Variants in ARRDC3 observed in about 807,000 individuals in gnomAD.
ARRDC3 encodes the protein arrestin domain containing 3.
A neutral mutation model predicts 47.2 loss-of-function variants in ARRDC3; 10 were observed. That is an observed-to-expected ratio of 0.21 (90% CI 0.13 to 0.36). The LOEUF (loss-of-function observed/expected upper bound fraction) is 0.36, where lower values mean the gene tolerates loss of function less well. Among genes scored for constraint, ARRDC3 ranks in the 10% least tolerant of loss-of-function variants. ARRDC3 has a pLI of 1.00. For synonymous variants in ARRDC3, 156 were observed against 178.3 expected (o/e 0.87, Z 1.00); for missense variants, 381 against 503.6 (o/e 0.76, Z 2.33).
chr5:91,382,838 T>C lies in ARRDC3; in HGVS notation c.255A>G (p.Lys85=), dbSNP rs749502518. Residue 85 remains lysine (K), a synonymous_variant, in exon 1 of 8, where the codon AAA becomes AAG. Transcript: ENST00000265138. The part of the protein sequence containing the change: ...YTEEVEYFNH[K]DILIGHERDD... ...CTCTTTCGTGCCCAATTAAGATGTCTTTATGGTTGAAATACTCTACTTCTT... is the reference window on the plus strand; with the variant it reads ...CTCTTTCGTGCCCAATTAAGATGTCCTTATGGTTGAAATACTCTACTTCTT... The C allele has an allele frequency of 1.2e-6, 2 of 1,613,976 alleles. No homozygotes were observed. The highest frequency in any genetic ancestry group is 3.3e-5 in the Admixed American group (2 of 60,006).
At chr5:91,380,131 C>G (rs1582377167) in intron 1 of ARRDC3, 1 of 152,880 alleles carries the variant, frequency 6.5e-6, no homozygotes, top group Admixed American at 6.6e-5. Flanking sequence ...TAAACAAGTG[C>G]CGGGCTGTCA....
chr5:91,374,368 C>A (rs1483664122), intron 5 of ARRDC3, 92 bp from the exon 6 acceptor site: 2 of 1,125,986 alleles, frequency 1.8e-6, no homozygotes, highest in African/African-American at 3.2e-5. Context: ...TTTGAAACCC[C>A]CATTTACTTC....
In ARRDC3 at chr5:91,376,648, A is replaced by G. The variant is rs757811799; in HGVS notation, c.483T>C (p.His161=). 3.1e-6 allele frequency: 5 copies of G among 1,612,250 alleles called. No individual in the cohort carries two copies. The highest frequency in any genetic ancestry group is 3.4e-6 in the Non-Finnish European group (4 of 1,178,476). ...GTAATGAAGGAGTGTTGATATCTAT[A>G]TGCTCAAAGACTGTAAATTCCTTCT... is the stretch of plus-strand genomic sequence containing the variant. ...KLKKEFTVFE[H]IDINTPSLLS... The change falls in exon 3 of 8, where the codon CAT becomes CAC. Residue 161 remains histidine (H), a synonymous_variant. Coordinates refer to ENST00000265138, the MANE Select transcript of ARRDC3 (RefSeq NM_020801.4).
intron 1 of ARRDC3, among the ~76,000 whole-genome samples, chr5:91,382,068 A>T (rs1341485810): frequency 6.6e-6 from 1 of 152,166 alleles, no homozygotes; most frequent in East Asian, 1.9e-4. Flanking sequence ...ATACTTTTCA[A>T]TTCCATTTGA....
At chr5:91,377,876 C>G (rs1475517331) in intron 2 of ARRDC3, among the ~76,000 whole-genome samples, 1 of 152,030 alleles carries the variant, frequency 6.6e-6, no homozygotes, top group Non-Finnish European at 1.5e-5. Flanking sequence ...CTATATATAA[C>G]ATCTCAAGCA....
chr5:91,382,650 T>C (rs1434721355), intron 1 of ARRDC3, among the ~76,000 whole-genome samples, 163 bp downstream of exon 1: 1 of 152,254 alleles, frequency 6.6e-6, no homozygotes, highest in East Asian at 1.9e-4. Context: ...CATTACGGCT[T>C]AACACACGAT....
At chr5:91,381,327 A>G (rs1284137882) in intron 1 of ARRDC3, among the ~76,000 whole-genome samples, 1 of 152,144 alleles carries the variant, frequency 6.6e-6, no homozygotes, top group African/African-American at 2.4e-5. Flanking sequence ...GCAAGTCTTA[A>G]CCCCTTGAGG....
chr5:91,379,705 G>A (rs1799396553), intron 1 of ARRDC3, among the ~76,000 whole-genome samples: 1 of 151,912 alleles, frequency 6.6e-6, no homozygotes, highest in African/African-American at 2.4e-5. Context: ...AATAATTACA[G>A]AAATATCTTT....
intron 3 of ARRDC3, among the ~76,000 whole-genome samples, chr5:91,376,352 G>A (rs1463104938): frequency 6.6e-6 from 1 of 151,940 alleles, no homozygotes; most frequent in Non-Finnish European, 1.5e-5. Flanking sequence ...TTTTTGTTAT[G>A]GCTGTCATAC....
At position 91,368,971 on chromosome 5, in the gene ARRDC3, G is replaced by T. The variant is rs1380617524; in HGVS notation, c.*2429C>A. On this transcript the variant is annotated 3_prime_UTR_variant, in exon 8 of 8. Coordinates refer to ENST00000265138, the MANE Select transcript of ARRDC3 (RefSeq NM_020801.4). Reference sequence around the variant, plus strand: ...TTACTTTTCCTAATTGAAAAATCAGGAATCTATCTTGAATACTGGAATACA... The same window carrying T: ...TTACTTTTCCTAATTGAAAAATCAGTAATCTATCTTGAATACTGGAATACA... 1 of 152,502 alleles carries T rather than the reference G, an allele frequency of 6.6e-6. No individual in the cohort carries two copies. Among genetic ancestry groups the T allele is most frequent in the African/African-American group, 2.4e-5 (1 of 41,404 alleles). The allele number at this position is 152,502 out of a possible 1,614,324, so 9.4% of individuals were successfully genotyped here. A position where few individuals can be genotyped will look rare whatever the true frequency, so the allele number is the denominator to read the frequency against.
intron 2 of ARRDC3, among the ~76,000 whole-genome samples, chr5:91,377,857 CTT>C (rs1205843685): frequency 2.6e-5 from 4 of 151,382 alleles, no homozygotes; most frequent in Admixed American, 6.6e-5. Context: ...CCATTTATGA[CTT>C]CTCTCTCTAT....
rs770121594 is a variant in ARRDC3 at position 91,378,739 on chromosome 5, T to G, written c.317A>C (p.His106Pro). 2 of 1,601,184 alleles carry G rather than the reference T, an allele frequency of 1.2e-6. No homozygotes were observed. The highest frequency in any genetic ancestry group is 1.7e-6 in the Non-Finnish European group (2 of 1,175,446). The change falls in exon 2 of 8, where the codon CAT becomes CCT. Residue 106 changes from histidine to proline, a missense_variant. Coordinates refer to ENST00000265138, the MANE Select transcript of ARRDC3 (RefSeq NM_020801.4). ...DNSEEGFHTIHSGRHEYAFSF... is the reference protein window; with the variant it reads ...DNSEEGFHTIPSGRHEYAFSF... ...GAATGCATATTCATGCCTTCCTGAA[T>G]GAATAGTGTGGAAGCCTTCTTCGGA...
At position 91,373,857 on chromosome 5, in the gene ARRDC3, C is replaced by T. The variant is rs150163708; in HGVS notation, c.1034-19G>A. On this transcript the variant is annotated intron_variant, in intron 6 of 7. Transcript: ENST00000265138. ...GGTGGTGCTGAAGGAAAAAGATACA[C>T]GCAATTCGAACAGCATGTTCTTATG... 10 of 1,613,270 alleles carry T rather than the reference C, an allele frequency of 6.2e-6. No individual in the cohort carries two copies. Among genetic ancestry groups the T allele is most frequent in the East Asian group, 2.2e-5 (1 of 44,850 alleles).
intron 2 of ARRDC3, 25 bp downstream of exon 2, chr5:91,378,669 A>C: frequency 7.7e-7 from 1 of 1,303,298 alleles, no homozygotes; most frequent in Middle Eastern, 2.0e-4. Context: ...TATCTATAAA[A>C]ATGCCTATTA....
chr5:91,371,527 A>G (rs1017829617), intron 7 of ARRDC3, 71 bp from the exon 8 acceptor site: 33 of 1,163,472 alleles, frequency 2.8e-5, no homozygotes, highest in Non-Finnish European at 4.1e-5. Context: ...GCAAATGACT[A>G]CAATTCTGAA....
chr5:91,373,415 T>C (rs1323256583), intron 7 of ARRDC3, among the ~76,000 whole-genome samples: 1 of 150,848 alleles, frequency 6.6e-6, no homozygotes, highest in Non-Finnish European at 1.5e-5. Context: ...AAAATGTGTC[T>C]CAAGATAAAA....
intron 3 of ARRDC3, among the ~76,000 whole-genome samples, chr5:91,375,825 A>G (rs1181363747): frequency 6.6e-6 from 1 of 152,062 alleles, no homozygotes; most frequent in East Asian, 1.9e-4. Flanking sequence ...TTTCCATTCA[A>G]TTAGAAAAAA....
Position 91,382,743 on chromosome 5 carries a change from A to G in ARRDC3, c.280+70T>C, listed in dbSNP as rs141994582. On this transcript the variant is annotated intron_variant, in intron 1 of 7. Coordinates refer to ENST00000265138, the MANE Select transcript of ARRDC3 (RefSeq NM_020801.4). ...TTATGCTAGGAGTAGAATCACGTTA[A>G]TTCAGAAAACTGAAAAGGTACGTTT... is the stretch of plus-strand genomic sequence containing the variant. 2.0e-4 allele frequency: 289 copies of G among 1,478,010 alleles called. No individual in the cohort carries two copies. The East Asian group carries it at 5.6e-3, about 29-fold the overall frequency. The allele number at this position is 1,478,010 out of a possible 1,614,324, so 91.6% of individuals were successfully genotyped here.
chr5:91,371,471 GAAAAAA>G lies in ARRDC3; in HGVS notation c.1189-21_1189-16del. ...TTTGGATCAATCTAGAAAGAAATGA[GAAAAAA>G]AGTTTACAGAGTTATTTCATGAGGT... is the stretch of plus-strand genomic sequence containing the variant. On this transcript the variant is annotated splice_polypyrimidine_tract_variant and intron_variant, in intron 7 of 7. Transcript: ENST00000265138. 6.2e-7 allele frequency: 1 copy of G among 1,605,766 alleles called. No homozygotes were observed. Among genetic ancestry groups the G allele is most frequent in the East Asian group, 2.2e-5 (1 of 44,796 alleles).
Sources: gnomAD v4.1 joint callset for allele counts (sites outside exome capture counted in the v4.1 genomes callset) on GRCh38, gnomAD v4.1.1 for gene constraint, MANE v1.5 for transcripts, NCBI Gene and HGNC (gene_info 2026-07-23, HGNC 2026-07-21) for gene names.